GPC5: variants seen among roughly 807,000 people sequenced by gnomAD.
The protein encoded by GPC5 is glypican 5.
In GPC5, 47 loss-of-function variants were observed where a neutral mutation model predicts 53.9. That is an observed-to-expected ratio of 0.87 (90% CI 0.69 to 1.11). The LOEUF (loss-of-function observed/expected upper bound fraction) is 1.11. GPC5 is among the 50% of genes most tolerant of loss of function. The pLI, the probability that GPC5 is intolerant of heterozygous loss-of-function variation, is 0.00. For missense variants in GPC5, 748 were observed against 713.1 expected (o/e 1.05, Z -0.56); for synonymous variants, 286 against 263.3 (o/e 1.09, Z -0.84).
At chr13:92,670,901 G>C (rs572447707) in intron 7 of GPC5, among the ~76,000 whole-genome samples, 2 of 152,022 alleles carry the variant, frequency 1.3e-5, no homozygotes, top group Non-Finnish European at 2.9e-5. Flanking sequence ...ACTTTTTGTG[G>C]CAAAAAGGCT....
intron 1 of GPC5, among the ~76,000 whole-genome samples, chr13:91,441,570 T>G (rs1475971110): frequency 6.6e-6 from 1 of 152,194 alleles, no homozygotes; most frequent in African/African-American, 2.4e-5. Flanking sequence ...GAGGAAGCTT[T>G]GCTTTCCTGG....
intron 2 of GPC5, among the ~76,000 whole-genome samples, chr13:91,678,646 C>G (rs2035437802): frequency 6.6e-6 from 1 of 151,880 alleles, no homozygotes. Flanking sequence ...TGATCGATGA[C>G]TTGTAGTGAC....
At chr13:92,028,648 T>C (rs2040818696) in intron 6 of GPC5, among the ~76,000 whole-genome samples, 1 of 152,164 alleles carries the variant, frequency 6.6e-6, no homozygotes, top group African/African-American at 2.4e-5. Flanking sequence ...TTTTGTTTGT[T>C]TGTCTTTTAA....
chr13:92,455,575 A>G (rs537470299), intron 7 of GPC5, among the ~76,000 whole-genome samples: 1 of 152,340 alleles, frequency 6.6e-6, no homozygotes, highest in East Asian at 1.9e-4. Flanking sequence ...GGAGTAAGAC[A>G]TAGGAAAGAT....
intron 7 of GPC5, among the ~76,000 whole-genome samples, chr13:92,774,413 C>A (rs1261289186): frequency 6.6e-6 from 1 of 152,078 alleles, no homozygotes; most frequent in Non-Finnish European, 1.5e-5. Context: ...TAGTTTTTCC[C>A]AGGTTTCTGA....
chr13:91,521,309 T>A (rs1885803689), intron 2 of GPC5, among the ~76,000 whole-genome samples: 1 of 152,218 alleles, frequency 6.6e-6, no homozygotes, highest in Non-Finnish European at 1.5e-5. Flanking sequence ...CTGCTTTTCA[T>A]TTAAGTTCCA....
intron 7 of GPC5, among the ~76,000 whole-genome samples, chr13:92,807,396 T>G (rs1409481079): frequency 6.6e-6 from 1 of 152,140 alleles, no homozygotes; most frequent in Non-Finnish European, 1.5e-5. Context: ...GAATGAATAC[T>G]TTTTTAGCTG....
intron 7 of GPC5, among the ~76,000 whole-genome samples, chr13:92,507,708 G>A (rs1282835312): frequency 6.6e-6 from 1 of 151,894 alleles, no homozygotes; most frequent in Non-Finnish European, 1.5e-5. Context: ...ACATTATTTT[G>A]AAAGAAAAAA....
intron 7 of GPC5, among the ~76,000 whole-genome samples, chr13:92,290,029 C>T (rs1048338554): frequency 6.6e-6 from 1 of 152,110 alleles, no homozygotes; most frequent in Non-Finnish European, 1.5e-5. Context: ...ACACTATGCA[C>T]ACATCCAGTT....
chr13:92,437,649 A>C (rs1195310724), intron 7 of GPC5, among the ~76,000 whole-genome samples: 1 of 152,080 alleles, frequency 6.6e-6, no homozygotes, highest in Admixed American at 6.6e-5. Flanking sequence ...AATAATTACC[A>C]CAAACTTAGT....
At chr13:91,402,146 G>A (rs1305778222) in intron 1 of GPC5, among the ~76,000 whole-genome samples, 3 of 152,044 alleles carry the variant, frequency 2.0e-5, no homozygotes, top group Non-Finnish European at 4.4e-5. Flanking sequence ...TTCAGAAAGG[G>A]GAAGTTCATA....
At chr13:91,964,178 C>T (rs2040156561) in intron 6 of GPC5, among the ~76,000 whole-genome samples, 1 of 152,296 alleles carries the variant, frequency 6.6e-6, no homozygotes, top group South Asian at 2.1e-4. Flanking sequence ...AAGCTGCAGA[C>T]CTTCACAGTG....
At chr13:92,470,141 G>C (rs963705741) in intron 7 of GPC5, among the ~76,000 whole-genome samples, 2 of 152,074 alleles carry the variant, frequency 1.3e-5, no homozygotes, top group African/African-American at 4.8e-5. Flanking sequence ...CAACCTTAGG[G>C]CATGTTTAAG....
At chr13:92,475,504 G>T (rs1365623681) in intron 7 of GPC5, among the ~76,000 whole-genome samples, 1 of 150,172 alleles carries the variant, frequency 6.7e-6, no homozygotes, top group Non-Finnish European at 1.5e-5. Context: ...CTCTCTGTTT[G>T]TCTGTTGTTG....
chr13:91,752,225 T>A (rs1306132608), intron 4 of GPC5, among the ~76,000 whole-genome samples: 2 of 151,398 alleles, frequency 1.3e-5, no homozygotes, highest in African/African-American at 4.9e-5. Flanking sequence ...AAATTTTATG[T>A]GTGGGTATGT....
intron 6 of GPC5, among the ~76,000 whole-genome samples, chr13:92,139,012 G>A (rs2041807965): frequency 6.6e-6 from 1 of 152,114 alleles, no homozygotes; most frequent in African/African-American, 2.4e-5. Context: ...ATATTAAAAA[G>A]GGTAATTAGA....
At chr13:92,565,858 T>C (rs954512100) in intron 7 of GPC5, among the ~76,000 whole-genome samples, 1 of 152,034 alleles carries the variant, frequency 6.6e-6, no homozygotes, top group African/African-American at 2.4e-5. Flanking sequence ...AAAGATTTTT[T>C]AAAGCAAAAT....
intron 7 of GPC5, among the ~76,000 whole-genome samples, chr13:92,862,118 T>C (rs1239910897): frequency 6.6e-6 from 1 of 152,168 alleles, no homozygotes; most frequent in African/African-American, 2.4e-5. Context: ...CACATTTGAA[T>C]GGGGCACAAC....
intron 7 of GPC5, among the ~76,000 whole-genome samples, chr13:92,639,838 A>G (rs1885529276): frequency 6.6e-6 from 1 of 152,206 alleles, no homozygotes; most frequent in African/African-American, 2.4e-5. Flanking sequence ...GCTGAAGGTT[A>G]GCATTTGAAC....
Sources: allele counts gnomAD v4.1 joint callset (sites outside exome capture counted in the v4.1 genomes callset), GRCh38; gene constraint gnomAD v4.1.1; transcripts MANE v1.5; gene names NCBI Gene and HGNC (gene_info 2026-07-23, HGNC 2026-07-21).